FBXL8: variants seen among roughly 807,000 people sequenced by gnomAD.
FBXL8 encodes the protein F-box/LRR-repeat protein 8.
A neutral mutation model predicts 8.2 loss-of-function variants in FBXL8; 13 were observed. The ratio of observed to expected loss-of-function variants is 1.58; its 90% confidence interval spans 1.03 to 2.51. The LOEUF (loss-of-function observed/expected upper bound fraction) is 2.51. Among genes scored for constraint, FBXL8 ranks in the 30% most tolerant of loss-of-function variants. The probability of loss-of-function intolerance (pLI) is 0.00; values close to 1 mark genes in which losing one functional copy is unlikely to be tolerated. For synonymous variants in FBXL8, 271 were observed against 260.5 expected (o/e 1.04, Z -0.39); for missense variants, 565 against 540.4 (o/e 1.05, Z -0.45).
Position 67,164,011 on chromosome 16 carries a change from C to A in FBXL8, c.*191C>A. 1.2e-6 allele frequency: 1 copy of A among 802,894 alleles called. No homozygotes were observed. The highest frequency in any genetic ancestry group is 2.1e-6 in the Non-Finnish European group (1 of 478,662). The allele number at this position is 802,894 out of a possible 1,614,324, so 49.7% of individuals were successfully genotyped here. On this transcript the variant is annotated 3_prime_UTR_variant, in exon 3 of 3. Transcript: ENST00000258200. The stretch of plus-strand genomic sequence containing the variant: ...CCTGAGACCACTCGCTGCTCTCACC[C>A]TCTGCAGACGCCCCACCCGCTCGGT...
rs867707450 is a variant in FBXL8 at position 67,163,351 on chromosome 16, T to A, written c.656T>A (p.Phe219Tyr). The change falls in exon 3 of 3, where the codon TTC (phenylalanine) becomes TAC (tyrosine). Residue 219 changes from phenylalanine (F) to tyrosine (Y), a missense_variant. By Grantham distance (22) the Phe-to-Tyr change is conservative (BLOSUM62 3). Coordinates refer to ENST00000258200, the MANE Select transcript of FBXL8 (RefSeq NM_018378.3). ...EALAAPDRAP[F>Y]ALLALRCACP... ...CTGGCGGCGCCAGACCGAGCGCCTT[T>A]CGCGCTCTTGGCTCTGCGGTGCGCG... 14 of 1,555,490 alleles carry A rather than the reference T, an allele frequency of 9.0e-6. No homozygotes were observed. The highest frequency in any genetic ancestry group is 1.1e-5 in the Non-Finnish European group (13 of 1,155,242).
intron 2 of FBXL8, chr16:67,162,517 T>C: frequency 1.4e-6 from 1 of 690,280 alleles, no homozygotes; most frequent in East Asian, 2.7e-5. Context: ...CACGGGTCAC[T>C]CAGCTAGGGA....
chr16:67,160,869 CG>C (rs1404769335), intron 1 of FBXL8, among the ~76,000 whole-genome samples: 1 of 152,208 alleles, frequency 6.6e-6, no homozygotes, highest in African/African-American at 2.4e-5. Context: ...GCTCAGGGGT[CG>C]GAACTTAAAT....
chr16:67,162,955 G>A lies in FBXL8; in HGVS notation c.260G>A (p.Arg87Gln), dbSNP rs746141895. 6.4e-7 allele frequency: 1 copy of A among 1,560,292 alleles called. No individual in the cohort carries two copies. The highest frequency in any genetic ancestry group is 8.7e-7 in the Non-Finnish European group (1 of 1,152,086). The change falls in exon 3 of 3, where the codon CGG becomes CAG. Residue 87 changes from arginine to glutamine, a missense_variant. Physicochemically the swap from Arg to Gln is conservative, Grantham distance 43 (BLOSUM62 1). Coordinates refer to ENST00000258200, the MANE Select transcript of FBXL8 (RefSeq NM_018378.3). The part of the protein sequence containing the change: ...EFEPSRKPSR[R>Q]AAIELLMVLA... ...GAGCCATCGAGGAAGCCGAGCCGCC[G>A]GGCGGCCATCGAGCTGCTGATGGTT...
intron 1 of FBXL8, among the ~76,000 whole-genome samples, chr16:67,160,941 GT>G (rs2030875628): frequency 1.3e-5 from 2 of 152,052 alleles, no homozygotes; most frequent in African/African-American, 4.8e-5. Flanking sequence ...TTTTCATCCA[GT>G]GGGGCTGTCT....
rs1377224899 is a variant in FBXL8, at chr16:67,161,949, C to T, written c.152+12C>T. On this transcript the variant is annotated intron_variant, in intron 2 of 2. Coordinates refer to ENST00000258200, the MANE Select transcript of FBXL8 (RefSeq NM_018378.3). ...GACACAAAAATCAGGTGAGCCTGCT[C>T]CTCCACACTCCTCTCCCCACCGCCC... The T allele has an allele frequency of 6.3e-7, 1 of 1,592,032 alleles. No individual in the cohort carries two copies. Among genetic ancestry groups the T allele is most frequent in the South Asian group, 1.1e-5 (1 of 89,288 alleles).
In FBXL8 at chr16:67,162,867, G is replaced by A. The variant is rs1204413122; in HGVS notation, c.172G>A (p.Gly58Ser). The A allele has an allele frequency of 6.4e-7, 1 of 1,551,424 alleles. No homozygotes were observed. Among genetic ancestry groups the A allele is most frequent in the East Asian group, 2.4e-5 (1 of 40,962 alleles). ...TKISCECELE[G>S]MLPPYLSACL... is the part of the protein sequence containing the mutation. ...CCCAAGTTGCGAATGTGAGCTGGAAGGCATGCTGCCACCTTATCTGTCCGC... is the reference window on the plus strand; with the variant it reads ...CCCAAGTTGCGAATGTGAGCTGGAAAGCATGCTGCCACCTTATCTGTCCGC... The change falls in exon 3 of 3, where the codon GGC becomes AGC. Residue 58 changes from glycine to serine, a missense_variant. Coordinates refer to ENST00000258200, the MANE Select transcript of FBXL8 (RefSeq NM_018378.3).
rs936141543 is a variant in FBXL8 at position 67,163,275 on chromosome 16, C to T, written c.580C>T (p.Arg194Cys). Residue 194 changes from arginine (R) to cysteine (C), a missense_variant, in exon 3 of 3, where the codon CGC becomes TGC. Physicochemically the swap from Arg to Cys is radical, Grantham distance 180. Coordinates refer to ENST00000258200, the MANE Select transcript of FBXL8 (RefSeq NM_018378.3). ...LELLEACPRL[R>C]ALGLHLASLS... ...GCTACTGGAGGCCTGCCCGCGCCTG[C>T]GCGCTCTCGGCCTGCACCTAGCCAG... 1 of 1,570,938 alleles carries T rather than the reference C, an allele frequency of 6.4e-7. No homozygotes were observed. Among genetic ancestry groups the T allele is most frequent in the Non-Finnish European group, 8.6e-7 (1 of 1,159,422 alleles).
At chr16:67,162,520 G>T (rs1283685974) in intron 2 of FBXL8, 10 of 694,270 alleles carry the variant, frequency 1.4e-5, no homozygotes, top group Non-Finnish European at 2.6e-5. Flanking sequence ...GGGTCACTCA[G>T]CTAGGGAATG....
chr16:67,162,984 G>A lies in FBXL8; in HGVS notation c.289G>A (p.Ala97Thr), dbSNP rs551094669. 7.2e-5 allele frequency: 112 copies of A among 1,559,072 alleles called. 2 individuals carry two copies. Among genetic ancestry groups the A allele is most frequent in the South Asian group, 5.7e-4 (48 of 84,808 alleles). ...RAAIELLMVL[A>T]GRAPGLRGLR... ...GGCCATCGAGCTGCTGATGGTTCTG[G>A]CGGGCCGTGCCCCGGGGCTGCGAGG... Residue 97 changes from alanine to threonine, a missense_variant, in exon 3 of 3, where the codon GCG becomes ACG. Transcript: ENST00000258200.
intron 2 of FBXL8, 32 bp from the exon 3 acceptor site, chr16:67,162,816 C>T: frequency 6.5e-7 from 1 of 1,549,314 alleles, no homozygotes; most frequent in Non-Finnish European, 8.7e-7. Flanking sequence ...AGGGACTCAG[C>T]TGAGGCCTTT....
At chr16:67,162,436 TGGTA>T in intron 2 of FBXL8, 1 of 605,120 alleles carries the variant, frequency 1.7e-6, no homozygotes, top group Non-Finnish European at 2.9e-6. Flanking sequence ...AAACCTTGTG[TGGTA>T]GATAGGTATT....
rs558390665 is a variant in FBXL8 at position 67,163,840 on chromosome 16, C to A, written c.*20C>A. 10 of 1,530,004 alleles carry A rather than the reference C, an allele frequency of 6.5e-6. No homozygotes were observed. Among genetic ancestry groups the A allele is most frequent in the Non-Finnish European group, 8.7e-6 (10 of 1,146,688 alleles). The allele number at this position is 1,530,004 out of a possible 1,614,324, so 94.8% of individuals were successfully genotyped here. ...GCGTGATTGGGCGACTTCTCTCCCC[C>A]GTCCCCGTGGACGTAAGCGCTCTGA... On this transcript the variant is annotated 3_prime_UTR_variant, in exon 3 of 3. Transcript: ENST00000258200.
In FBXL8 at chr16:67,163,707, G is replaced by A. The variant is rs547442936; in HGVS notation, c.1012G>A (p.Val338Met). ...CCTGCGCGAGGTGCATTGTTTCTGC[G>A]TGGTGAGCCACTCGGTGCTGGACGC... Reference protein sequence around the residue: ...AALREVHCFCVVSHSVLDAFR... With the variant: ...AALREVHCFCMVSHSVLDAFR... Residue 338 changes from valine to methionine, a missense_variant, in exon 3 of 3, where the codon GTG (valine) becomes ATG (methionine). Physicochemically the swap from Val to Met is conservative, Grantham distance 21. Coordinates refer to ENST00000258200, the MANE Select transcript of FBXL8 (RefSeq NM_018378.3). 1.3e-6 allele frequency: 2 copies of A among 1,594,356 alleles called. No homozygotes were observed. Among genetic ancestry groups the A allele is most frequent in the African/African-American group, 1.3e-5 (1 of 74,454 alleles).
chr16:67,162,733 G>A, intron 2 of FBXL8, 115 bp from the exon 3 acceptor site: 5 of 1,399,968 alleles, frequency 3.6e-6, no homozygotes, highest in Non-Finnish European at 3.0e-6. Flanking sequence ...AGAGACGTGG[G>A]GAGGGAGGCA....
intron 2 of FBXL8, chr16:67,162,630 G>T: frequency 1.4e-6 from 1 of 730,776 alleles, no homozygotes; most frequent in Non-Finnish European, 2.4e-6. Flanking sequence ...GGCTCTCCAT[G>T]TCCAGGTTTC....
rs747117718 is a variant in FBXL8 at position 67,162,914 on chromosome 16, C to T, written c.219C>T (p.Asn73=). 1.9e-6 allele frequency: 3 copies of T among 1,554,182 alleles called. No individual in the cohort carries two copies. The South Asian group carries it at 3.6e-5, about 18-fold the overall frequency. The change falls in exon 3 of 3, where the codon AAC becomes AAT. Residue 73 remains asparagine (N), a synonymous_variant. Coordinates refer to ENST00000258200, the MANE Select transcript of FBXL8 (RefSeq NM_018378.3). ...CCGCCTGCCTCGACCACATTCACAA[C>T]CTACGGCTGGAATTTGAGCCATCGA... is the stretch of plus-strand genomic sequence containing the variant. ...YLSACLDHIH[N]LRLEFEPSRK...
chr16:67,163,369 G>A lies in FBXL8; in HGVS notation c.674G>A (p.Arg225Gln), dbSNP rs1241722475. Reference sequence around the variant, plus strand: ...GCGCCTTTCGCGCTCTTGGCTCTGCGGTGCGCGTGCCCCGAAGATGCACGC... The same window carrying A: ...GCGCCTTTCGCGCTCTTGGCTCTGCAGTGCGCGTGCCCCGAAGATGCACGC... ...DRAPFALLAL[R>Q]CACPEDARAS... The change falls in exon 3 of 3, where the codon CGG (arginine) becomes CAG (glutamine). Residue 225 changes from arginine to glutamine, a missense_variant. Coordinates refer to ENST00000258200, the MANE Select transcript of FBXL8 (RefSeq NM_018378.3). The A allele has an allele frequency of 2.6e-6, 4 of 1,545,608 alleles. No homozygotes were observed. Among genetic ancestry groups the A allele is most frequent in the South Asian group, 2.3e-5 (2 of 85,540 alleles).
chr16:67,163,265 C>T lies in FBXL8; in HGVS notation c.570C>T (p.Cys190=). 1.3e-6 allele frequency: 2 copies of T among 1,567,806 alleles called. No homozygotes were observed. The highest frequency in any genetic ancestry group is 1.7e-6 in the Non-Finnish European group (2 of 1,157,646). The change falls in exon 3 of 3, where the codon TGC becomes TGT. Residue 190 remains cysteine, a synonymous_variant. Coordinates refer to ENST00000258200, the MANE Select transcript of FBXL8 (RefSeq NM_018378.3). ...CAGTGCTCGAGCTACTGGAGGCCTG[C>T]CCGCGCCTGCGCGCTCTCGGCCTGC... is the stretch of plus-strand genomic sequence containing the variant. ...PGSVLELLEA[C]PRLRALGLHL...
Sources: allele counts gnomAD v4.1 joint callset (sites outside exome capture counted in the v4.1 genomes callset), GRCh38; gene constraint gnomAD v4.1.1; transcripts MANE v1.5; gene names NCBI Gene and HGNC (gene_info 2026-07-23, HGNC 2026-07-21).